Variants in CHRM2 observed in about 807,000 individuals in gnomAD.
CHRM2 encodes muscarinic acetylcholine receptor M2.
In CHRM2, 8 loss-of-function variants were observed where a neutral mutation model predicts 25.0. The observed-to-expected ratio is 0.32, with a 90% CI of 0.19 to 0.58. The LOEUF is 0.58. Among genes scored for constraint, CHRM2 ranks in the 20% least tolerant of loss-of-function variants. The pLI is 0.88. For missense variants in CHRM2, 440 were observed against 567.1 expected (o/e 0.78, Z 2.28); for synonymous variants, 202 against 205.7 (o/e 0.98, Z 0.15).
At chr7:136,997,593 G>A (rs796796787) in intron 3 of CHRM2, among the ~76,000 whole-genome samples, 5 of 152,228 alleles carry the variant, frequency 3.3e-5, no homozygotes, top group African/African-American at 1.2e-4. Flanking sequence ...GAAAGATACA[G>A]CATCTTTGAG....
Position 137,018,277 on chromosome 7 carries a change from G to A in CHRM2, c.*2011G>A, listed in dbSNP as rs915235171. The A allele has an allele frequency of 5.3e-5, 8 of 151,602 alleles. No homozygotes were observed. The highest frequency in any genetic ancestry group is 2.1e-4 in the South Asian group (1 of 4,808). The allele number at this position is 151,602 out of a possible 1,614,324, so 9.4% of individuals were successfully genotyped here. On this transcript the variant is annotated 3_prime_UTR_variant, in exon 4 of 4. Coordinates refer to ENST00000680005, the MANE Select transcript of CHRM2 (RefSeq NM_001006630.2). Reference sequence around the variant, plus strand: ...AGTATTTATATTTGACTTATCCTTCGTAAAAACAATTTCCTGTTTAAATAA... The same window carrying A: ...AGTATTTATATTTGACTTATCCTTCATAAAAACAATTTCCTGTTTAAATAA...
chr7:137,014,133 T>G (rs753460679), intron 3 of CHRM2, among the ~76,000 whole-genome samples: 3 of 152,052 alleles, frequency 2.0e-5, no homozygotes, highest in Non-Finnish European at 4.4e-5. Flanking sequence ...CAATATGCAT[T>G]TAATAAGCAA....
At position 136,928,229 on chromosome 7, in the gene CHRM2, C is replaced by T. The variant is rs1206343314; in HGVS notation, c.-125+58811C>T. 2.6e-5 allele frequency among the ~76,000 whole-genome samples: 4 copies of T among 152,132 alleles called. No individual in the cohort carries two copies. In the East Asian group the frequency reaches 5.8e-4, roughly 22 times the overall value. On this transcript the variant is annotated intron_variant, in intron 2 of 3. Transcript: ENST00000680005. Reference sequence around the variant, plus strand: ...CCATAAATTGCTCTAACGGTTAAACCTGGTATCAAATCCAAAAATTCTGCC... The same window carrying T: ...CCATAAATTGCTCTAACGGTTAAACTTGGTATCAAATCCAAAAATTCTGCC...
chr7:136,885,586 ATTC>A (rs1284673698), intron 2 of CHRM2, among the ~76,000 whole-genome samples: 1 of 152,208 alleles, frequency 6.6e-6, no homozygotes, highest in Non-Finnish European at 1.5e-5. Flanking sequence ...TTATTTATTT[ATTC>A]TTCAACATTT....
At chr7:136,923,020 CAT>C (rs1379422987) in intron 2 of CHRM2, among the ~76,000 whole-genome samples, 2 of 152,248 alleles carry the variant, frequency 1.3e-5, no homozygotes, top group African/African-American at 4.8e-5. Flanking sequence ...TAAACTATCA[CAT>C]GTTAAATGCT....
chr7:136,914,376 G>C (rs1797993850), intron 2 of CHRM2: 1 of 151,906 alleles, frequency 6.6e-6, no homozygotes. Context: ...AGCACTGTCA[G>C]CCTGCCTATT....
chr7:136,952,272 G>C (rs1350728255), intron 2 of CHRM2, among the ~76,000 whole-genome samples: 1 of 152,192 alleles, frequency 6.6e-6, no homozygotes, highest in East Asian at 1.9e-4. Context: ...TCACTACAGA[G>C]TGCAAAACAT....
Position 137,016,386 on chromosome 7 carries a change from C to A in CHRM2, c.*120C>A. The A allele has an allele frequency of 9.2e-7, 1 of 1,090,650 alleles. No homozygotes were observed. Among genetic ancestry groups the A allele is most frequent in the Non-Finnish European group, 1.4e-6 (1 of 734,188 alleles). 67.6% of individuals were successfully genotyped at this position (1,090,650 alleles called of 1,614,324 possible). A position where few individuals can be genotyped will look rare whatever the true frequency, so the allele number is the denominator to read the frequency against. ...CTTTATAGTCTGATTACAAAACGTG[C>A]AATTCAGGAGCCCAGCAGTGACACA... On this transcript the variant is annotated 3_prime_UTR_variant, in exon 4 of 4. Coordinates refer to ENST00000680005, the MANE Select transcript of CHRM2 (RefSeq NM_001006630.2).
intron 3 of CHRM2, among the ~76,000 whole-genome samples, chr7:137,000,912 CT>C (rs1399288727): frequency 6.6e-6 from 1 of 152,128 alleles, no homozygotes; most frequent in East Asian, 1.9e-4. Context: ...TCCATTGAGC[CT>C]TTAACCATTT....
chr7:136,997,694 G>A (rs1311584797), intron 3 of CHRM2, among the ~76,000 whole-genome samples: 1 of 152,100 alleles, frequency 6.6e-6, no homozygotes, highest in Non-Finnish European at 1.5e-5. Context: ...TCTGATCTTT[G>A]GAATTTTGTT....
intron 2 of CHRM2, among the ~76,000 whole-genome samples, chr7:136,951,481 G>A (rs1800410264): frequency 6.6e-6 from 1 of 152,164 alleles, no homozygotes; most frequent in Admixed American, 6.5e-5. Context: ...TTCTATAACT[G>A]CAGCTTACGT....
chr7:136,940,037 A>G (rs530189484), intron 2 of CHRM2, among the ~76,000 whole-genome samples: 2 of 152,362 alleles, frequency 1.3e-5, no homozygotes, highest in African/African-American at 4.8e-5. Context: ...ATTTGTGGAT[A>G]AGAAGAGCTG....
chr7:136,881,110 C>G (rs572345882), intron 2 of CHRM2, among the ~76,000 whole-genome samples: 1 of 148,780 alleles, frequency 6.7e-6, no homozygotes, highest in African/African-American at 2.5e-5. Flanking sequence ...CCCTAAAAAG[C>G]CTCTGTGCCC....
At chr7:136,881,111 C>T (rs13230245) in intron 2 of CHRM2, among the ~76,000 whole-genome samples, 19,962 of 148,164 alleles carry the variant, frequency 0.13, 1,539 homozygotes, top group Non-Finnish European at 0.18. Flanking sequence ...CCTAAAAAGC[C>T]TCTGTGCCCC....
chr7:136,874,674 C>A (rs186982776), intron 2 of CHRM2, among the ~76,000 whole-genome samples: 43 of 151,248 alleles, frequency 2.8e-4, no homozygotes, highest in South Asian at 2.5e-3. Context: ...CAAGGACATC[C>A]GTTTTAAAGC....
intron 2 of CHRM2, among the ~76,000 whole-genome samples, chr7:136,949,389 G>A (rs533061011): frequency 7.9e-5 from 12 of 151,376 alleles, no homozygotes; most frequent in African/African-American, 2.9e-4. Flanking sequence ...AGCTGAGGTG[G>A]GAGGATCACT....
At chr7:136,924,211 G>A (rs1381156290) in intron 2 of CHRM2, among the ~76,000 whole-genome samples, 1 of 151,644 alleles carries the variant, frequency 6.6e-6, no homozygotes, top group East Asian at 1.9e-4. Context: ...TCAGTTGTAT[G>A]TATTTTTTTT....
chr7:136,876,208 G>T (rs1796046446), intron 2 of CHRM2, among the ~76,000 whole-genome samples: 1 of 152,138 alleles, frequency 6.6e-6, no homozygotes, highest in Non-Finnish European at 1.5e-5. Context: ...GAAGCCATGG[G>T]TGTTTTTATT....
intron 3 of CHRM2, among the ~76,000 whole-genome samples, chr7:137,008,721 T>C (rs1162842208): frequency 2.0e-5 from 3 of 152,094 alleles, no homozygotes; most frequent in African/African-American, 7.2e-5. Context: ...GAAACAAGTA[T>C]AAATTAAACA....
Sources: gnomAD v4.1 joint callset for allele counts (sites outside exome capture counted in the v4.1 genomes callset) on GRCh38, gnomAD v4.1.1 for gene constraint, MANE v1.5 for transcripts, NCBI Gene and HGNC (gene_info 2026-07-23, HGNC 2026-07-21) for gene names.